APBA1: variants seen among roughly 807,000 people sequenced by gnomAD.
APBA1 encodes the protein amyloid-beta A4 precursor protein-binding family A member 1.
APBA1 carries 55 observed loss-of-function variants against 86.6 expected under a neutral mutation model. The observed-to-expected ratio is 0.64, with a 90% CI of 0.51 to 0.80. The LOEUF is 0.80. Ranked by LOEUF, APBA1 falls within the 30% of genes least tolerant of loss-of-function variation. APBA1 has a pLI of 0.00. For missense variants in APBA1, 1,090 were observed against 1,183.0 expected, an observed-to-expected ratio of 0.92 and a Z score of 1.15; for synonymous variants, 511 against 493.9, an observed-to-expected ratio of 1.03 and a Z score of -0.46.
intron 1 of APBA1, among the ~76,000 whole-genome samples, chr9:69,546,047 A>C (rs992134184): frequency 1.3e-5 from 2 of 152,240 alleles, no homozygotes; most frequent in Admixed American, 1.3e-4. Flanking sequence ...ATTATACAAG[A>C]TAAATTTACT....
intron 1 of APBA1, among the ~76,000 whole-genome samples, chr9:69,603,064 A>G (rs1189333205): frequency 6.6e-6 from 1 of 152,194 alleles, no homozygotes; most frequent in African/African-American, 2.4e-5. Context: ...CTAAAGAGAA[A>G]AAGACAAGTG....
At chr9:69,530,133 G>C (rs965674349) in intron 1 of APBA1, among the ~76,000 whole-genome samples, 1 of 151,956 alleles carries the variant, frequency 6.6e-6, no homozygotes, top group African/African-American at 2.4e-5. Flanking sequence ...ACTACCATTT[G>C]ACCCAGCAAT....
intron 1 of APBA1, among the ~76,000 whole-genome samples, chr9:69,531,401 T>C (rs1021643739): frequency 6.6e-6 from 1 of 152,298 alleles, no homozygotes; most frequent in African/African-American, 2.4e-5. Context: ...TAGGACATTA[T>C]GAACCAAGTC....
intron 2 of APBA1, among the ~76,000 whole-genome samples, chr9:69,489,548 TG>T (rs201973435): frequency 0.15 from 22,890 of 151,852 alleles, 2,322 homozygotes; most frequent in East Asian, 0.27. Flanking sequence ...CCTACAAAAA[TG>T]GGAGAAAATT....
At chr9:69,529,536 C>T (rs1836392003) in intron 1 of APBA1, among the ~76,000 whole-genome samples, 1 of 152,076 alleles carries the variant, frequency 6.6e-6, no homozygotes, top group African/African-American at 2.4e-5. Context: ...AGTTCATTGG[C>T]CGTGTTGATC....
At position 69,517,236 on chromosome 9, in the gene APBA1, G is replaced by A; in HGVS notation, c.-26C>T. ...GGTGGGAGTCGGAACGGCTAGGAGA[G>A]AAGCTGGGCCCGGCTCACTGCGCTC... On this transcript the variant is annotated 5_prime_UTR_variant, in exon 2 of 13. Coordinates refer to ENST00000265381, the MANE Select transcript of APBA1 (RefSeq NM_001163.4). 1.4e-6 allele frequency: 2 copies of A among 1,439,962 alleles called. No homozygotes were observed. The highest frequency in any genetic ancestry group is 1.8e-6 in the Non-Finnish European group (2 of 1,097,190). 89.2% of individuals were successfully genotyped at this position (1,439,962 alleles called of 1,614,324 possible).
At chr9:69,472,047 T>C (rs979780140) in intron 3 of APBA1, among the ~76,000 whole-genome samples, 1 of 152,200 alleles carries the variant, frequency 6.6e-6, no homozygotes, top group Admixed American at 6.5e-5. Flanking sequence ...AACTGATTAG[T>C]GAAAGCACCA....
At chr9:69,521,674 T>G (rs1052941554) in intron 1 of APBA1, among the ~76,000 whole-genome samples, 1 of 152,196 alleles carries the variant, frequency 6.6e-6, no homozygotes, top group Non-Finnish European at 1.5e-5. Flanking sequence ...GAGGACATTA[T>G]GTAGATATTA....
At chr9:69,521,688 A>C (rs1836254752) in intron 1 of APBA1, among the ~76,000 whole-genome samples, 1 of 152,222 alleles carries the variant, frequency 6.6e-6, no homozygotes, top group Admixed American at 6.5e-5. Flanking sequence ...GATATTATTC[A>C]AAGAATGAGA....
chr9:69,658,258 TTC>T lies in APBA1; in HGVS notation c.-70+13893_-70+13894del, dbSNP rs149172202. 0.017 allele frequency among the ~76,000 whole-genome samples: 368 copies of T among 22,300 alleles called. 4 individuals carry two copies. The East Asian group carries it at 0.33, about 20-fold the overall frequency. The allele number at this position is 22,300 out of a possible 152,430, so 14.6% of individuals were successfully genotyped here. The stretch of plus-strand genomic sequence containing the variant: ...TTTCTTTCTTTCTTTCTTTCTTTCT[TTC>T]TTTCTTTCTTTCTTTCTTTCTTTCT... On this transcript the variant is annotated intron_variant, in intron 1 of 12. Coordinates refer to ENST00000265381, the MANE Select transcript of APBA1 (RefSeq NM_001163.4).
intron 1 of APBA1, among the ~76,000 whole-genome samples, chr9:69,552,651 G>A (rs995642185): frequency 2.0e-5 from 3 of 152,314 alleles, no homozygotes; most frequent in Admixed American, 1.3e-4. Context: ...GTTAAAGTGA[G>A]TACTGTTTAT....
At chr9:69,547,088 CA>C (rs1449736664) in intron 1 of APBA1, among the ~76,000 whole-genome samples, 2 of 152,170 alleles carry the variant, frequency 1.3e-5, no homozygotes, top group Non-Finnish European at 2.9e-5. Context: ...GATTGAGAAT[CA>C]ATTGTCGGAG....
At chr9:69,551,786 A>G (rs1166458102) in intron 1 of APBA1, among the ~76,000 whole-genome samples, 2 of 152,216 alleles carry the variant, frequency 1.3e-5, no homozygotes, top group Non-Finnish European at 2.9e-5. Context: ...AATCTCTATC[A>G]GTGCAAAACC....
chr9:69,485,346 A>G lies in APBA1; in HGVS notation c.1201-9203T>C, dbSNP rs559611426. On this transcript the variant is annotated intron_variant, in intron 2 of 12. Coordinates refer to ENST00000265381, the MANE Select transcript of APBA1 (RefSeq NM_001163.4). The stretch of plus-strand genomic sequence containing the variant: ...TGGTGTTAGTGTTTAACTCATCTCA[A>G]ATGTCTGCTTTACAAGACCTTTGTC... Among the ~76,000 whole-genome samples, 268 of 152,202 alleles carry G rather than the reference A, an allele frequency of 1.8e-3. 1 individual carries two copies. Among genetic ancestry groups the G allele is most frequent in the African/African-American group, 6.0e-3 (249 of 41,526 alleles).
At chr9:69,630,799 G>C (rs555693412) in intron 1 of APBA1, among the ~76,000 whole-genome samples, 1 of 152,240 alleles carries the variant, frequency 6.6e-6, no homozygotes, top group South Asian at 2.1e-4. Context: ...AAACATAGGT[G>C]TTCATGTGAA....
intron 1 of APBA1, among the ~76,000 whole-genome samples, chr9:69,627,198 C>A (rs926840238): frequency 6.6e-6 from 1 of 151,906 alleles, no homozygotes; most frequent in Non-Finnish European, 1.5e-5. Flanking sequence ...TTTTAAATAC[C>A]CAAAAAATTA....
chr9:69,658,358 CTG>C (rs768845519), intron 1 of APBA1, among the ~76,000 whole-genome samples: 29 of 126,088 alleles, frequency 2.3e-4, no homozygotes, highest in Admixed American at 1.3e-3. Context: ...TTCTTTCTTT[CTG>C]TGTTTCTCTG....
intron 1 of APBA1, among the ~76,000 whole-genome samples, chr9:69,610,996 T>A (rs188455831): frequency 1.3e-5 from 2 of 152,194 alleles, no homozygotes; most frequent in African/African-American, 4.8e-5. Flanking sequence ...TCTGCTGACT[T>A]TTCTGCTGGT....
intron 1 of APBA1, among the ~76,000 whole-genome samples, chr9:69,565,005 G>A (rs1442157939): frequency 1.3e-5 from 2 of 152,174 alleles, no homozygotes; most frequent in African/African-American, 2.4e-5. Flanking sequence ...TGAAAAAGAG[G>A]CAGCACAATA....
Sources: allele counts gnomAD v4.1 joint callset (sites outside exome capture counted in the v4.1 genomes callset), GRCh38; gene constraint gnomAD v4.1.1; transcripts MANE v1.5; gene names NCBI Gene and HGNC (gene_info 2026-07-23, HGNC 2026-07-21).